Variants in CHMP2B observed in about 807,000 individuals in gnomAD.
CHMP2B encodes the protein VPS2 homolog B.
CHMP2B carries 22 observed loss-of-function variants against 29.8 expected under a neutral mutation model. That is an observed-to-expected ratio of 0.74 (90% CI 0.53 to 1.05). The LOEUF is 1.05. Among genes scored for constraint, CHMP2B ranks in the 50% least tolerant of loss-of-function variants. The pLI, the probability that CHMP2B is intolerant of heterozygous loss-of-function variation, is 0.00. For synonymous variants in CHMP2B, 78 were observed against 75.8 expected (o/e 1.03, Z -0.15); for missense variants, 261 against 252.2 (o/e 1.03, Z -0.24).
intron 2 of CHMP2B, among the ~76,000 whole-genome samples, chr3:87,242,118 A>G (rs1463158306): frequency 6.6e-6 from 1 of 152,032 alleles, no homozygotes; most frequent in Non-Finnish European, 1.5e-5. Context: ...CTATTCAAAT[A>G]TTTTACCCAT....
At chr3:87,240,655 A>AGGC in intron 1 of CHMP2B, 44 bp from the exon 2 acceptor site, 1 of 1,344,370 alleles carries the variant, frequency 7.4e-7, no homozygotes. Flanking sequence ...GATATTGAAA[A>AGGC]TTTTACAACC....
intron 3 of CHMP2B, among the ~76,000 whole-genome samples, chr3:87,249,509 G>T (rs1251066427): frequency 1.3e-5 from 2 of 151,782 alleles, no homozygotes; most frequent in African/African-American, 4.8e-5. Flanking sequence ...TTTAATGAAA[G>T]TTTTTATAAA....
chr3:87,253,679 A>G, intron 5 of CHMP2B, 33 bp from the exon 6 acceptor site: 1 of 1,561,370 alleles, frequency 6.4e-7, no homozygotes, highest in East Asian at 2.2e-5. Flanking sequence ...ATGTTTCCTA[A>G]TGCACGTTTG....
At chr3:87,227,719 T>G (rs1298020747) in intron 1 of CHMP2B, among the ~76,000 whole-genome samples, 163 bp downstream of exon 1, 2 of 152,206 alleles carry the variant, frequency 1.3e-5, no homozygotes, top group African/African-American at 4.8e-5. Context: ...TCCCTCTTGC[T>G]TCTGACTCAC....
chr3:87,243,387 T>G (rs1706157308), intron 2 of CHMP2B, among the ~76,000 whole-genome samples: 1 of 149,528 alleles, frequency 6.7e-6, no homozygotes, highest in Non-Finnish European at 1.5e-5. Flanking sequence ...GTGTGGTGGG[T>G]TTTTTTTGTT....
intron 1 of CHMP2B, 146 bp from the exon 2 acceptor site, chr3:87,240,553 A>G (rs924876165): frequency 3.2e-6 from 2 of 624,790 alleles, no homozygotes; most frequent in Admixed American, 2.2e-5. Context: ...CAGGTGATCC[A>G]CCCAAAGTGC....
chr3:87,233,729 A>C (rs1705947091), intron 1 of CHMP2B, among the ~76,000 whole-genome samples: 1 of 152,220 alleles, frequency 6.6e-6, no homozygotes, highest in Non-Finnish European at 1.5e-5. Flanking sequence ...CCTTAAAACC[A>C]GTTAATGGAG....
rs1226917980 is a variant in CHMP2B, at chr3:87,249,727, T to C, written c.322-148T>C. 6.0e-6 allele frequency: 3 copies of C among 497,654 alleles called. 1 individual carries two copies. In the Admixed American group the frequency reaches 1.1e-4, roughly 19 times the overall value. 30.8% of individuals were successfully genotyped at this position (497,654 alleles called of 1,614,324 possible). A position where few individuals can be genotyped will look rare whatever the true frequency, so the allele number is the denominator to read the frequency against. ...TCCAAATGACTATTTCATTTTTTTC[T>C]AGAATATTTAACAGTCTATGTTTGA... is the stretch of plus-strand genomic sequence containing the variant. On this transcript the variant is annotated intron_variant, in intron 3 of 5. Transcript: ENST00000263780.
rs989392144 is a variant in CHMP2B, at chr3:87,245,911, A to G, written c.321+3A>G. The G allele has an allele frequency of 8.1e-6, 13 of 1,597,806 alleles. No individual in the cohort carries two copies. The highest frequency in any genetic ancestry group is 1.3e-5 in the African/African-American group (1 of 74,606). On this transcript the variant is annotated splice_donor_region_variant and intron_variant, in intron 3 of 5. Coordinates refer to ENST00000263780, the MANE Select transcript of CHMP2B (RefSeq NM_014043.4). Reference sequence around the variant, plus strand: ...GAGCAATGTCTACTACAGCAAAAGTAAGTGAGAGCTTTTATATTCATAGAT... The same window carrying G: ...GAGCAATGTCTACTACAGCAAAAGTGAGTGAGAGCTTTTATATTCATAGAT...
In CHMP2B at chr3:87,255,263, T is replaced by G. The variant is rs1160963662; in HGVS notation, c.*1441T>G. The G allele has an allele frequency of 6.6e-6, 1 of 152,476 alleles. No homozygotes were observed. The highest frequency in any genetic ancestry group is 1.9e-4 in the East Asian group (1 of 5,196). 9.4% of individuals were successfully genotyped at this position (152,476 alleles called of 1,614,324 possible). A position where few individuals can be genotyped will look rare whatever the true frequency, so the allele number is the denominator to read the frequency against. On this transcript the variant is annotated 3_prime_UTR_variant, in exon 6 of 6. Coordinates refer to ENST00000263780, the MANE Select transcript of CHMP2B (RefSeq NM_014043.4). ...TATTCCGTAAACCATTTTATAATGT[T>G]CAAAGATTAGGTTTTGTTATTGATA... is the stretch of plus-strand genomic sequence containing the variant.
chr3:87,230,142 T>TA (rs1288826219), intron 1 of CHMP2B, among the ~76,000 whole-genome samples: 4 of 152,164 alleles, frequency 2.6e-5, no homozygotes, highest in African/African-American at 9.6e-5. Context: ...TTAGGGAAGC[T>TA]AATTATGAAC....
rs750039220 is a variant in CHMP2B, at chr3:87,249,927, T to TGCAGAATTTCCAG, written c.375_387dup (p.Lys130AlafsTer14). 3 of 1,606,822 alleles carry TGCAGAATTTCCAG rather than the reference T, an allele frequency of 1.9e-6. No homozygotes were observed. The highest frequency in any genetic ancestry group is 2.6e-6 in the Non-Finnish European group (3 of 1,175,132). On this transcript the variant is annotated frameshift_variant, in exon 4 of 6. Coordinates refer to ENST00000263780, the MANE Select transcript of CHMP2B (RefSeq NM_014043.4). LOFTEE classifies it high-confidence loss of function. ...GATCCACAAAAGACATTACAAACAA[T>TGCAGAATTTCCAG]GCAGAATTTCCAGAAGGAAAACATG... is the stretch of plus-strand genomic sequence containing the variant.
intron 3 of CHMP2B, among the ~76,000 whole-genome samples, chr3:87,248,593 G>C (rs1458325682): frequency 6.6e-6 from 1 of 152,006 alleles, no homozygotes; most frequent in African/African-American, 2.4e-5. Flanking sequence ...CTAGCCTCAA[G>C]TGGCAGGAGA....
At chr3:87,232,958 G>C (rs529365427) in intron 1 of CHMP2B, among the ~76,000 whole-genome samples, 6 of 152,248 alleles carry the variant, frequency 3.9e-5, no homozygotes, top group African/African-American at 1.2e-4. Context: ...CAGGGCTTGA[G>C]TGACTTTTGA....
At chr3:87,245,663 G>A in intron 2 of CHMP2B, 51 bp from the exon 3 acceptor site, 1 of 1,434,916 alleles carries the variant, frequency 7.0e-7, no homozygotes, top group Non-Finnish European at 9.8e-7. Flanking sequence ...ATAAATTATT[G>A]ACGACTACCC....
At chr3:87,243,445 C>T (rs372617431) in intron 2 of CHMP2B, among the ~76,000 whole-genome samples, 26 of 151,956 alleles carry the variant, frequency 1.7e-4, no homozygotes, top group African/African-American at 5.8e-4. Flanking sequence ...ATTGCCCAGG[C>T]GGCAGTGCAG....
chr3:87,243,101 T>C (rs1187940481), intron 2 of CHMP2B, among the ~76,000 whole-genome samples: 3 of 152,172 alleles, frequency 2.0e-5, no homozygotes, highest in Admixed American at 6.5e-5. Flanking sequence ...TATGAAGTTA[T>C]TATGTATCTC....
intron 2 of CHMP2B, among the ~76,000 whole-genome samples, chr3:87,242,408 C>T (rs545202582): frequency 1.4e-4 from 22 of 152,126 alleles, no homozygotes; most frequent in African/African-American, 5.1e-4. Context: ...TGTATCATTG[C>T]AGATCTTCTG....
At chr3:87,228,858 A>C (rs1415066392) in intron 1 of CHMP2B, among the ~76,000 whole-genome samples, 1 of 152,026 alleles carries the variant, frequency 6.6e-6, no homozygotes. Context: ...CTTAATCTTT[A>C]ATATGGCACT....
Sources: gnomAD v4.1 joint callset for allele counts (sites outside exome capture counted in the v4.1 genomes callset) on GRCh38, gnomAD v4.1.1 for gene constraint, MANE v1.5 for transcripts, NCBI Gene and HGNC (gene_info 2026-07-23, HGNC 2026-07-21) for gene names.